Variants in ANKRD29 observed in about 807,000 individuals in gnomAD.
ANKRD29 encodes ankyrin repeat domain 29, also known as ankyrin repeat domain-containing protein 29.
In ANKRD29, 32 loss-of-function variants were observed where a neutral mutation model predicts 38.0. The observed-to-expected ratio is 0.84, with a 90% CI of 0.64 to 1.13. ANKRD29 has a LOEUF of 1.13. Among genes scored for constraint, ANKRD29 ranks in the 50% most tolerant of loss-of-function variants. The pLI is 0.00. For missense variants in ANKRD29, 357 were observed against 377.9 expected, an observed-to-expected ratio of 0.94 and a Z score of 0.46; for synonymous variants, 135 against 152.4, an observed-to-expected ratio of 0.89 and a Z score of 0.84.
At chr18:23,624,954 G>C (rs762779644) in intron 6 of ANKRD29, among the ~76,000 whole-genome samples, 14 of 152,126 alleles carry the variant, frequency 9.2e-5, no homozygotes, top group Non-Finnish European at 1.6e-4. Context: ...GAGAGTATTT[G>C]GAAAAAAGAA....
chr18:23,612,276 T>C (rs2059653150), intron 8 of ANKRD29, 86 bp from the exon 9 acceptor site: 2 of 1,217,498 alleles, frequency 1.6e-6, no homozygotes, highest in Admixed American at 4.0e-5. Context: ...ATCTGGGTGA[T>C]AAGACTGTAA....
chr18:23,617,616 T>C, intron 8 of ANKRD29, 116 bp downstream of exon 8: 1 of 713,182 alleles, frequency 1.4e-6, no homozygotes, highest in East Asian at 2.7e-5. Context: ...AGGTGTGTTC[T>C]TTCAAGAATC....
At chr18:23,652,036 C>T (rs780863918) in intron 1 of ANKRD29, among the ~76,000 whole-genome samples, 9 of 152,030 alleles carry the variant, frequency 5.9e-5, no homozygotes, top group East Asian at 1.9e-4. Flanking sequence ...AAACACCGTA[C>T]GAAGGACAGG....
chr18:23,623,803 C>T (rs995183314), intron 6 of ANKRD29, among the ~76,000 whole-genome samples: 10 of 151,928 alleles, frequency 6.6e-5, no homozygotes, highest in East Asian at 3.9e-4. Context: ...CCACCACGCC[C>T]GGCTAATTTT....
intron 1 of ANKRD29, among the ~76,000 whole-genome samples, chr18:23,660,005 G>A (rs2060338323): frequency 6.6e-6 from 1 of 152,002 alleles, no homozygotes; most frequent in East Asian, 1.9e-4. Flanking sequence ...CAGCTACTCG[G>A]GGGGCTGAGG....
chr18:23,622,768 T>C (rs900434392), intron 6 of ANKRD29, among the ~76,000 whole-genome samples: 4 of 152,190 alleles, frequency 2.6e-5, no homozygotes, highest in Non-Finnish European at 5.9e-5. Context: ...GGTTTCACCA[T>C]GTTGGCCAGG....
intron 6 of ANKRD29, among the ~76,000 whole-genome samples, chr18:23,623,011 G>C (rs767723475): frequency 6.6e-6 from 1 of 152,232 alleles, no homozygotes; most frequent in Non-Finnish European, 1.5e-5. Context: ...GCCTGAGTGA[G>C]TGTCCTCTTA....
intron 1 of ANKRD29, among the ~76,000 whole-genome samples, chr18:23,655,980 C>G (rs2060276204): frequency 6.7e-6 from 1 of 149,090 alleles, no homozygotes. Context: ...GTAGTCCCAG[C>G]TACTCGGGAG....
At chr18:23,623,419 C>T (rs1027199015) in intron 6 of ANKRD29, among the ~76,000 whole-genome samples, 1 of 152,020 alleles carries the variant, frequency 6.6e-6, no homozygotes, top group Non-Finnish European at 1.5e-5. Flanking sequence ...AGAGGTTTTC[C>T]TCTTTTGTAC....
intron 4 of ANKRD29, among the ~76,000 whole-genome samples, chr18:23,638,140 G>A (rs948972306): frequency 6.6e-6 from 1 of 151,810 alleles, no homozygotes; most frequent in African/African-American, 2.4e-5. Flanking sequence ...TGGGATTACA[G>A]GCATGTGCCA....
intron 1 of ANKRD29, among the ~76,000 whole-genome samples, chr18:23,658,981 C>CT (rs906106391): frequency 4.6e-5 from 7 of 151,232 alleles, no homozygotes; most frequent in East Asian, 1.9e-4. Context: ...ATATAAAACA[C>CT]TTTTTTTTTG....
At chr18:23,620,537 G>A (rs992845565) in intron 6 of ANKRD29, among the ~76,000 whole-genome samples, 1 of 152,126 alleles carries the variant, frequency 6.6e-6, no homozygotes, top group Non-Finnish European at 1.5e-5. Flanking sequence ...AGAGGGAGGG[G>A]GAAGGCGGAG....
chr18:23,619,628 T>C lies in ANKRD29; in HGVS notation c.530A>G (p.Asp177Gly), dbSNP rs1432020946. The C allele has an allele frequency of 3.2e-6, 5 of 1,572,072 alleles. No homozygotes were observed. Among genetic ancestry groups the C allele is most frequent in the Admixed American group, 1.8e-5 (1 of 54,342 alleles). The change falls in exon 7 of 10, where the codon GAC (aspartate) becomes GGC (glycine). Residue 177 changes from aspartate (D) to glycine (G), a missense_variant and splice_region_variant. Asp to Gly is a moderately conservative substitution (Grantham distance 94). Coordinates refer to ENST00000592179, the MANE Select transcript of ANKRD29 (RefSeq NM_173505.4). ...CGCGATCCACAGGGGCGCTGTCCCG[T>C]CCTGCGGGAAGAGGAGGCGGCGGCC... ...SGAKVNQPRQ[D>G]GTAPLWIASQ...
In ANKRD29 at chr18:23,599,109, T is replaced by A. The variant is rs2059484848; in HGVS notation, c.*2117A>T. On this transcript the variant is annotated 3_prime_UTR_variant, in exon 10 of 10. Coordinates refer to ENST00000592179, the MANE Select transcript of ANKRD29 (RefSeq NM_173505.4). ...ATTAGATTAACATAGAATAATCATT[T>A]ACATGTGTGCAAACTAAAATGCAAT... The A allele has an allele frequency of 1.3e-5, 2 of 152,240 alleles. No homozygotes were observed. The highest frequency in any genetic ancestry group is 4.8e-5 in the African/African-American group (2 of 41,458). The allele number at this position is 152,240 out of a possible 1,614,324, so 9.4% of individuals were successfully genotyped here.
At chr18:23,603,055 C>T (rs981783218) in intron 9 of ANKRD29, among the ~76,000 whole-genome samples, 21 of 152,144 alleles carry the variant, frequency 1.4e-4, no homozygotes, top group Admixed American at 9.8e-4. Context: ...AAGCTTCACA[C>T]AGATATGTAG....
chr18:23,622,871 AATT>A (rs1319266453), intron 6 of ANKRD29, among the ~76,000 whole-genome samples: 1 of 152,260 alleles, frequency 6.6e-6, no homozygotes, highest in Middle Eastern at 3.4e-3. Context: ...CTGGCCAAAA[AATT>A]ATTATTATCA....
At position 23,600,758 on chromosome 18, in the gene ANKRD29, G is replaced by A. The variant is rs1335661427; in HGVS notation, c.*468C>T. 1 of 154,002 alleles carries A rather than the reference G, an allele frequency of 6.5e-6. No homozygotes were observed. Among genetic ancestry groups the A allele is most frequent in the Non-Finnish European group, 1.5e-5 (1 of 68,900 alleles). 9.5% of individuals were successfully genotyped at this position (154,002 alleles called of 1,614,324 possible). A position where few individuals can be genotyped will look rare whatever the true frequency, so the allele number is the denominator to read the frequency against. On this transcript the variant is annotated 3_prime_UTR_variant, in exon 10 of 10. Transcript: ENST00000592179. ...TTTTATACTGGAATGACATACATAT[G>A]TAGGTAAAATATGATAGATCTATAT...
intron 1 of ANKRD29, among the ~76,000 whole-genome samples, chr18:23,651,214 C>A (rs777234707): frequency 2.0e-4 from 30 of 152,162 alleles, no homozygotes; most frequent in Non-Finnish European, 4.3e-4. Context: ...GATAAGCTAA[C>A]AGCAAACATA....
intron 5 of ANKRD29, among the ~76,000 whole-genome samples, chr18:23,630,859 G>A (rs1245635884): frequency 6.8e-6 from 1 of 147,666 alleles, no homozygotes; most frequent in African/African-American, 2.5e-5. Flanking sequence ...CCAGCTACTT[G>A]GGGGCACTGA....
Sources: allele counts gnomAD v4.1 joint callset (sites outside exome capture counted in the v4.1 genomes callset), GRCh38; gene constraint gnomAD v4.1.1; transcripts MANE v1.5; gene names NCBI Gene and HGNC (gene_info 2026-07-23, HGNC 2026-07-21).